The following SAMSN1 variants were observed in gnomAD, a reference collection of about 807,000 sequenced individuals.
SAMSN1 encodes the protein SAM domain-containing protein SAMSN-1.
SAMSN1 carries 31 observed loss-of-function variants against 42.0 expected under a neutral mutation model. The observed-to-expected ratio is 0.74, with a 90% CI of 0.55 to 1.00. SAMSN1 has a LOEUF of 1.00. Among genes scored for constraint, SAMSN1 ranks in the 50% least tolerant of loss-of-function variants. The pLI, the probability that SAMSN1 is intolerant of heterozygous loss-of-function variation, is 0.00. For synonymous variants in SAMSN1, 178 were observed against 151.9 expected (o/e 1.17, Z -1.26); for missense variants, 464 against 439.4 (o/e 1.06, Z -0.50).
In SAMSN1 at chr21:14,530,473, C is replaced by G. The variant is rs182848379; in HGVS notation, c.58-9252G>C. On this transcript the variant is annotated intron_variant, in intron 1 of 7. Coordinates refer to ENST00000400566, the MANE Select transcript of SAMSN1 (RefSeq NM_022136.5). ...TGTCTAGTATCTAATATAATTCTCT[C>G]CCAAACTTTCATAGGAGAGAAATAA... Among the ~76,000 whole-genome samples the G allele has an allele frequency of 3.4e-3, 514 of 152,166 alleles. 2 individuals are homozygous for G. Among genetic ancestry groups the G allele is most frequent in the African/African-American group, 0.012 (490 of 41,504 alleles).
In SAMSN1 at chr21:14,485,827, C is replaced by A; in HGVS notation, c.*85G>T. On this transcript the variant is annotated 3_prime_UTR_variant, in exon 8 of 8. Transcript: ENST00000400566. ...TTAGGTTTTATTTACAAATATTTAT[C>A]TTATCTTCCTCTCCTATTTGACGTT... The A allele has an allele frequency of 9.8e-7, 1 of 1,017,932 alleles. No homozygotes were observed. The allele number at this position is 1,017,932 out of a possible 1,614,324, so 63.1% of individuals were successfully genotyped here.
chr21:14,513,721 T>C (rs1987788434), intron 3 of SAMSN1, among the ~76,000 whole-genome samples: 1 of 152,164 alleles, frequency 6.6e-6, no homozygotes, highest in South Asian at 2.1e-4. Flanking sequence ...TGCCCTGAAT[T>C]ATTGACCTAA....
At chr21:14,650,871 A>T (rs999417811) in intron 1 of SAMSN1, among the ~76,000 whole-genome samples, 1 of 152,100 alleles carries the variant, frequency 6.6e-6, no homozygotes, top group African/African-American at 2.4e-5. Context: ...AGAAACTCAA[A>T]GCATCATTAG....
At chr21:14,529,158 A>G (rs562006590) in intron 1 of SAMSN1, among the ~76,000 whole-genome samples, 1 of 152,120 alleles carries the variant, frequency 6.6e-6, no homozygotes, top group Admixed American at 6.5e-5. Flanking sequence ...TTTTGCTCCT[A>G]CTGTTTTTTA....
At chr21:14,597,916 A>G (rs1446179897) in intron 6 of SAMSN1, 1 of 151,960 alleles carries the variant, frequency 6.6e-6, no homozygotes, top group African/African-American at 2.4e-5. Flanking sequence ...TATTTTTTTT[A>G]TTTTCCAGAA....
intron 2 of SAMSN1, among the ~76,000 whole-genome samples, chr21:14,564,077 G>GT (rs1010813992): frequency 6.6e-6 from 1 of 151,998 alleles, no homozygotes; most frequent in Non-Finnish European, 1.5e-5. Flanking sequence ...AAATACATTC[G>GT]TTTTTTAAAA....
intron 1 of SAMSN1, among the ~76,000 whole-genome samples, chr21:14,539,260 C>G (rs894121514): frequency 2.6e-5 from 4 of 152,210 alleles, no homozygotes; most frequent in Non-Finnish European, 5.9e-5. Context: ...TCTCACCACT[C>G]CTATTCAACA....
chr21:14,548,384 C>T (rs1310924868), upstream of SAMSN1, among the ~76,000 whole-genome samples: 1 of 152,118 alleles, frequency 6.6e-6, no homozygotes, highest in Non-Finnish European at 1.5e-5. Flanking sequence ...CTATAGGTTA[C>T]ATTTCTCCAA....
chr21:14,634,521 C>T (rs1468185576), intron 2 of SAMSN1, among the ~76,000 whole-genome samples: 2 of 152,114 alleles, frequency 1.3e-5, no homozygotes, highest in African/African-American at 2.4e-5. Flanking sequence ...TGAACAGATA[C>T]TTCTCAAAAG....
chr21:14,560,053 A>G (rs979560497), intron 2 of SAMSN1, among the ~76,000 whole-genome samples: 2 of 152,138 alleles, frequency 1.3e-5, no homozygotes, highest in Non-Finnish European at 2.9e-5. Context: ...GTTCAGTGGG[A>G]AGACAGGCAG....
chr21:14,501,937 A>C (rs753739451), intron 5 of SAMSN1, among the ~76,000 whole-genome samples: 10 of 152,192 alleles, frequency 6.6e-5, no homozygotes, highest in East Asian at 1.9e-4. Flanking sequence ...CCTCATGGGG[A>C]TATTTATTTG....
chr21:14,539,088 A>G (rs1170111483), intron 1 of SAMSN1, among the ~76,000 whole-genome samples: 1 of 152,178 alleles, frequency 6.6e-6, no homozygotes, highest in Non-Finnish European at 1.5e-5. Flanking sequence ...ACCTGGACCA[A>G]GTTCTACCTT....
At chr21:14,522,147 G>A (rs1205069777) in intron 1 of SAMSN1, among the ~76,000 whole-genome samples, 2 of 152,208 alleles carry the variant, frequency 1.3e-5, no homozygotes, top group African/African-American at 2.4e-5. Flanking sequence ...TATGTTAATA[G>A]AAGATGTTGT....
intron 1 of SAMSN1, among the ~76,000 whole-genome samples, chr21:14,535,721 A>G (rs554495039): frequency 6.6e-5 from 10 of 152,322 alleles, no homozygotes; most frequent in African/African-American, 2.4e-4. Context: ...GAGCACACAG[A>G]CACAGATGAA....
chr21:14,513,498 T>C (rs1556280), intron 3 of SAMSN1, among the ~76,000 whole-genome samples: 49,106 of 151,938 alleles, frequency 0.32, 8,159 homozygotes, highest in Non-Finnish European at 0.35. Flanking sequence ...TCTATTGTGT[T>C]AGCTGTGTGT....
chr21:14,539,444 G>T (rs543880884), intron 1 of SAMSN1, among the ~76,000 whole-genome samples: 1 of 152,242 alleles, frequency 6.6e-6, no homozygotes, highest in South Asian at 2.1e-4. Context: ...CTTCAGTAAA[G>T]TCTCAGGATA....
chr21:14,620,281 C>A (rs910700069), intron 2 of SAMSN1, among the ~76,000 whole-genome samples: 1 of 152,058 alleles, frequency 6.6e-6, no homozygotes, highest in Non-Finnish European at 1.5e-5. Flanking sequence ...GGAATTGGGT[C>A]ATGGGGGTGG....
intron 7 of SAMSN1, among the ~76,000 whole-genome samples, chr21:14,588,988 A>C (rs957077299): frequency 2.6e-5 from 4 of 152,286 alleles, no homozygotes; most frequent in African/African-American, 9.6e-5. Context: ...TGTATATACT[A>C]TGTATTTCAT....
chr21:14,642,942 A>T (rs1162180165), intron 2 of SAMSN1: 4 of 690,942 alleles, frequency 5.8e-6, no homozygotes, highest in Non-Finnish European at 1.1e-5. Context: ...ATCATTAGGC[A>T]AGAGATTCTA....
Sources: gnomAD v4.1 joint callset for allele counts (sites outside exome capture counted in the v4.1 genomes callset) on GRCh38, gnomAD v4.1.1 for gene constraint, MANE v1.5 for transcripts, NCBI Gene and HGNC (gene_info 2026-07-23, HGNC 2026-07-21) for gene names.